The following ZSWIM9 variants were observed in gnomAD, a reference collection of about 807,000 sequenced individuals.
The protein encoded by ZSWIM9 is uncharacterized protein ZSWIM9.
In ZSWIM9, 11 loss-of-function variants were observed where a neutral mutation model predicts 25.0. The observed-to-expected ratio is 0.44, with a 90% CI of 0.28 to 0.73. The LOEUF (loss-of-function observed/expected upper bound fraction) is 0.73. Ranked by LOEUF, ZSWIM9 falls within the 30% of genes least tolerant of loss-of-function variation. The pLI is 0.16. For missense variants in ZSWIM9, 1,070 were observed against 1,296.5 expected, an observed-to-expected ratio of 0.83 and a Z score of 2.68; for synonymous variants, 562 against 582.1, an observed-to-expected ratio of 0.97 and a Z score of 0.50.
intron 2 of ZSWIM9, among the ~76,000 whole-genome samples, chr19:48,174,321 C>A (rs987031610): frequency 6.6e-6 from 1 of 152,030 alleles, no homozygotes; most frequent in Admixed American, 6.6e-5. Flanking sequence ...GGGGTTATCA[C>A]GATACCCGCC....
rs181255891 is a variant in ZSWIM9 at position 48,178,267 on chromosome 19, C to T, written c.276-4188C>T. Among the ~76,000 whole-genome samples, 30 of 152,312 alleles carry T rather than the reference C, an allele frequency of 2.0e-4. No individual in the cohort carries two copies. The East Asian group carries it at 5.4e-3, about 27-fold the overall frequency. ...ATTCTTAAAATCTAGCAGGCTCCTG[C>T]GTTTTTCTTCACCTCGTGCATGTAG... On this transcript the variant is annotated intron_variant, in intron 2 of 3. Transcript: ENST00000614654.
rs1599939879 is a variant in ZSWIM9, at chr19:48,196,279, G to T, written c.2215G>T (p.Val739Leu). 33 of 1,233,450 alleles carry T rather than the reference G, an allele frequency of 2.7e-5. No homozygotes were observed. In the East Asian group the frequency reaches 1.0e-3, roughly 39 times the overall value. 76.4% of individuals were successfully genotyped at this position (1,233,450 alleles called of 1,614,324 possible). Residue 739 changes from valine (V) to leucine (L), a missense_variant, in exon 4 of 4, where the codon GTG becomes TTG. Physicochemically the swap from Val to Leu is conservative, Grantham distance 32 (BLOSUM62 1). Transcript: ENST00000614654. ...TGGAGATGGAGGGGGAGCCCGGTCC[G>T]TGGGCCCCAAGAGCCGAGCCGGACG... Reference protein sequence around the residue: ...ENGDGGGARSVGPKSRAGRGM... With the variant: ...ENGDGGGARSLGPKSRAGRGM...
At chr19:48,187,521 T>C (rs1456460857) in intron 3 of ZSWIM9, among the ~76,000 whole-genome samples, 1 of 84,352 alleles carries the variant, frequency 1.2e-5, no homozygotes, top group African/African-American at 5.3e-5. Context: ...TTATATATAT[T>C]ATATATTATA....
chr19:48,182,365 T>G lies in ZSWIM9; in HGVS notation c.276-90T>G. 2 of 1,088,076 alleles carry G rather than the reference T, an allele frequency of 1.8e-6. No homozygotes were observed. Among genetic ancestry groups the G allele is most frequent in the Non-Finnish European group, 2.5e-6 (2 of 795,658 alleles). 67.4% of individuals were successfully genotyped at this position (1,088,076 alleles called of 1,614,324 possible). On this transcript the variant is annotated intron_variant, in intron 2 of 3. Transcript: ENST00000614654. This position sits in a 1 kb window ranked among gnomAD's most constrained non-coding sequence, Gnocchi z 4.6. ...TACTCTTCTCTATGCCTGAAACAAT[T>G]CTTAGTTTAAAAAAAAAAAAAAGGT...
At chr19:48,174,392 G>C (rs1036129027) in intron 2 of ZSWIM9, among the ~76,000 whole-genome samples, 5 of 152,248 alleles carry the variant, frequency 3.3e-5, no homozygotes, top group African/African-American at 1.2e-4. Context: ...TAACCCTGGT[G>C]CCTGGAACAT....
intron 3 of ZSWIM9, among the ~76,000 whole-genome samples, chr19:48,192,156 A>T (rs1459506920): frequency 6.6e-6 from 1 of 151,302 alleles, no homozygotes; most frequent in Non-Finnish European, 1.5e-5. Flanking sequence ...GTCTCCTCTC[A>T]CTCAGTGGTG....
intron 2 of ZSWIM9, among the ~76,000 whole-genome samples, chr19:48,175,219 G>A (rs1448345123): frequency 6.6e-6 from 1 of 152,210 alleles, no homozygotes; most frequent in African/African-American, 2.4e-5. Context: ...GACAGCCAAG[G>A]AGCAGGAGAG....
rs1228409776 is a variant in ZSWIM9, at chr19:48,196,616, G to A, written c.2552G>A (p.Arg851Gln). ...ELAFARQHGT[R>Q]GFHWTGAGFA... The stretch of plus-strand genomic sequence containing the variant: ...GCCTTTGCTAGGCAGCATGGGACCC[G>A]GGGTTTCCACTGGACCGGAGCTGGC... Residue 851 changes from arginine (R) to glutamine (Q), a missense_variant, in exon 4 of 4, where the codon CGG (arginine) becomes CAG (glutamine). Physicochemically the swap from Arg to Gln is conservative, Grantham distance 43 (BLOSUM62 1). This residue lies in a region of ZSWIM9 where 583 missense variants were observed against 624.7 expected (regional missense o/e 0.93). Transcript: ENST00000614654. 3.2e-6 allele frequency: 4 copies of A among 1,232,436 alleles called. No individual in the cohort carries two copies. Among genetic ancestry groups the A allele is most frequent in the Non-Finnish European group, 3.0e-6 (3 of 988,316 alleles). The allele number at this position is 1,232,436 out of a possible 1,614,324, so 76.3% of individuals were successfully genotyped here. A position where few individuals can be genotyped will look rare whatever the true frequency, so the allele number is the denominator to read the frequency against.
Position 48,182,771 on chromosome 19 carries a change from G to A in ZSWIM9, c.588+4G>A, listed in dbSNP as rs924528706. On this transcript the variant is annotated splice_donor_region_variant and intron_variant, in intron 3 of 3. Transcript: ENST00000614654. The surrounding 1 kb of genome is among the most constrained non-coding windows in gnomAD (Gnocchi z 4.6). ...CCGCACCGACCCCGAGGCCAAGGTGGGGTCTCGAGAGAGGCAGGCCGGGGG... is the reference window on the plus strand; with the variant it reads ...CCGCACCGACCCCGAGGCCAAGGTGAGGTCTCGAGAGAGGCAGGCCGGGGG... 38 of 1,520,172 alleles carry A rather than the reference G, an allele frequency of 2.5e-5. No individual in the cohort carries two copies. The Admixed American group carries it at 4.0e-4, about 16-fold the overall frequency. 94.2% of individuals were successfully genotyped at this position (1,520,172 alleles called of 1,614,324 possible).
chr19:48,187,562 TATAATATTATATATATTATATATTATATA>T (rs2037041150), intron 3 of ZSWIM9: 1 of 22,392 alleles, frequency 4.5e-5, no homozygotes, highest in East Asian at 2.0e-3. Context: ...ATATATTATA[TATAATATTATATATATTATATATTATATA>T]ATATAATATT....
Position 48,197,142 on chromosome 19 carries a change from A to G in ZSWIM9, c.*315A>G. On this transcript the variant is annotated 3_prime_UTR_variant, in exon 4 of 4. Coordinates refer to ENST00000614654, the MANE Select transcript of ZSWIM9 (RefSeq NM_199341.4). Reference sequence around the variant, plus strand: ...CTGGGACAGAAGGAAGGAAAGGGGCAGAGCTGGGGGGAGGGGGAGGAAGCG... The same window carrying G: ...CTGGGACAGAAGGAAGGAAAGGGGCGGAGCTGGGGGGAGGGGGAGGAAGCG... 3.0e-6 allele frequency: 2 copies of G among 672,692 alleles called. No homozygotes were observed. Among genetic ancestry groups the G allele is most frequent in the Non-Finnish European group, 5.4e-6 (2 of 369,924 alleles). The allele number at this position is 672,692 out of a possible 1,614,324, so 41.7% of individuals were successfully genotyped here. A position where few individuals can be genotyped will look rare whatever the true frequency, so the allele number is the denominator to read the frequency against.
intron 3 of ZSWIM9, among the ~76,000 whole-genome samples, chr19:48,185,399 T>A (rs1568578340): frequency 6.6e-6 from 1 of 152,144 alleles, no homozygotes; most frequent in Non-Finnish European, 1.5e-5. Context: ...CCTCCCAAAG[T>A]GCTGGGATTA....
In ZSWIM9 at chr19:48,171,905, G is replaced by T. The variant is rs916515998; in HGVS notation, c.103G>T (p.Asp35Tyr). The change falls in exon 2 of 4, where the codon GAC (aspartate) becomes TAC (tyrosine). Residue 35 changes from aspartate to tyrosine, a missense_variant. This residue lies in a region of ZSWIM9 where 265 missense variants were observed against 339.0 expected (regional missense o/e 0.78). Coordinates refer to ENST00000614654, the MANE Select transcript of ZSWIM9 (RefSeq NM_199341.4). ...FSWAEFSRFFDAWCQQRLALF... is the reference protein window; with the variant it reads ...FSWAEFSRFFYAWCQQRLALF... The stretch of plus-strand genomic sequence containing the variant: ...GTGGGCCGAGTTCAGCCGCTTCTTC[G>T]ACGCGTGGTGCCAGCAGCGGCTGGC... The T allele has an allele frequency of 2.6e-6, 4 of 1,535,818 alleles. No homozygotes were observed. Among genetic ancestry groups the T allele is most frequent in the South Asian group, 1.2e-5 (1 of 84,056 alleles).
chr19:48,175,349 C>T (rs762889073), intron 2 of ZSWIM9, among the ~76,000 whole-genome samples: 2 of 151,992 alleles, frequency 1.3e-5, no homozygotes, highest in South Asian at 2.1e-4. Flanking sequence ...GGTTCAGGAA[C>T]GATATCTTGG....
intron 2 of ZSWIM9, among the ~76,000 whole-genome samples, chr19:48,179,728 C>T (rs948619863): frequency 6.6e-6 from 1 of 152,194 alleles, no homozygotes; most frequent in East Asian, 1.9e-4. Context: ...TGAAACTGAA[C>T]AGTTTTGAAA....
chr19:48,196,126 G>C lies in ZSWIM9; in HGVS notation c.2062G>C (p.Asp688His), dbSNP rs1332612413. Residue 688 changes from aspartate to histidine, a missense_variant, in exon 4 of 4, where the codon GAT becomes CAT. Coordinates refer to ENST00000614654, the MANE Select transcript of ZSWIM9 (RefSeq NM_199341.4). ...AGACCAAAGGGGACCCCAGTGGGAAGATGAGAGGAGGAGAGGGCCAGAGAT... is the reference window on the plus strand; with the variant it reads ...AGACCAAAGGGGACCCCAGTGGGAACATGAGAGGAGGAGAGGGCCAGAGAT... ...NGDQRGPQWE[D>H]ERRRGPEIAE... 16 of 1,242,038 alleles carry C rather than the reference G, an allele frequency of 1.3e-5. No individual in the cohort carries two copies. In the East Asian group the frequency reaches 4.7e-4, roughly 37 times the overall value. 76.9% of individuals were successfully genotyped at this position (1,242,038 alleles called of 1,614,324 possible).
intron 3 of ZSWIM9, among the ~76,000 whole-genome samples, chr19:48,183,832 G>A (rs949333254): frequency 5.5e-5 from 7 of 127,354 alleles, no homozygotes; most frequent in South Asian, 2.5e-4. Context: ...GATGTTTGGC[G>A]GGGGGGGGTC....
chr19:48,187,973 T>TAGACAGACAGACAGACAGAC (rs2037051427), intron 3 of ZSWIM9, among the ~76,000 whole-genome samples: 1 of 148,910 alleles, frequency 6.7e-6, no homozygotes, highest in African/African-American at 2.6e-5. Flanking sequence ...GATAGATAGA[T>TAGACAGACAGACAGACAGAC]AGATAGATAG....
rs111244241 is a variant in ZSWIM9 at position 48,176,340 on chromosome 19, A to G, written c.275+4263A>G. On this transcript the variant is annotated intron_variant, in intron 2 of 3. Transcript: ENST00000614654. ...ACTAGCCCATTTCTAACCACTTTAC[A>G]TAATTTAATCCTCTTATTTAGCCCT... Among the ~76,000 whole-genome samples the G allele has an allele frequency of 5.9e-5, 9 of 152,320 alleles. 2 individuals are homozygous for G. The highest frequency in any genetic ancestry group is 2.2e-4 in the African/African-American group (9 of 41,572).
Sources: allele counts gnomAD v4.1 joint callset (sites outside exome capture counted in the v4.1 genomes callset), GRCh38; gene constraint gnomAD v4.1.1; regional missense constraint gnomAD v4.1.1; non-coding constraint Gnocchi (gnomAD v3.1); transcripts MANE v1.5; gene names NCBI Gene and HGNC (gene_info 2026-07-23, HGNC 2026-07-21).